Variants in AMPD3 observed in about 807,000 individuals in gnomAD.
AMPD3 encodes AMP deaminase 3.
AMPD3 carries 57 observed loss-of-function variants against 82.3 expected under a neutral mutation model. The ratio of observed to expected loss-of-function variants is 0.69; its 90% confidence interval spans 0.56 to 0.86. The LOEUF is 0.86. Among genes scored for constraint, AMPD3 ranks in the 40% least tolerant of loss-of-function variants. AMPD3 has a pLI of 0.00. For missense variants in AMPD3, 870 were observed against 1,003.8 expected, an observed-to-expected ratio of 0.87 and a Z score of 1.80; for synonymous variants, 381 against 394.7, an observed-to-expected ratio of 0.97 and a Z score of 0.41.
In AMPD3 at chr11:10,456,008, TG is replaced by T. The variant is rs1445092711; in HGVS notation, c.-6+563del. ...GAGGCTGTGGCTTATCTCCTGCAGC[TG>T]GGCAGGACGGCTGAGTTTACTGTTG... On this transcript the variant is annotated intron_variant, in intron 1 of 14. Transcript: ENST00000396553. The surrounding 1 kb of genome is among the most constrained non-coding windows in gnomAD (Gnocchi z 4.3). The T allele has an allele frequency of 2.0e-6, 2 of 985,244 alleles. No homozygotes were observed. Among genetic ancestry groups the T allele is most frequent in the African/African-American group, 3.5e-5 (2 of 57,218 alleles). 61.0% of individuals were successfully genotyped at this position (985,244 alleles called of 1,614,324 possible). A position where few individuals can be genotyped will look rare whatever the true frequency, so the allele number is the denominator to read the frequency against.
chr11:10,452,707 A>C (rs1231615037), upstream of AMPD3, among the ~76,000 whole-genome samples: 1 of 152,242 alleles, frequency 6.6e-6, no homozygotes, highest in Non-Finnish European at 1.5e-5. Context: ...ATCTGATATC[A>C]TAATGATGAT....
rs956196280 is a variant in AMPD3, at chr11:10,476,979, T to C, written c.222-1547T>C. 68 of 985,312 alleles carry C rather than the reference T, an allele frequency of 6.9e-5. 1 individual carries two copies. The highest frequency in any genetic ancestry group is 5.7e-5 in the Non-Finnish European group (47 of 829,946). 61.0% of individuals were successfully genotyped at this position (985,312 alleles called of 1,614,324 possible). On this transcript the variant is annotated intron_variant, in intron 2 of 14. Transcript: ENST00000396553. The stretch of plus-strand genomic sequence containing the variant: ...TCCTGAAAAGGAGCCACCTCTGTCT[T>C]GCAGGTTAAAATAGCCTTGTCCCAA...
intron 7 of AMPD3, chr11:10,494,526 A>T (rs1444349246): frequency 1.0e-6 from 1 of 983,626 alleles, no homozygotes; most frequent in Non-Finnish European, 1.2e-6. Context: ...AACTTTTGTT[A>T]AACAAAACAT....
intron 10 of AMPD3, 102 bp downstream of exon 10, chr11:10,497,040 CT>C: frequency 6.9e-7 from 1 of 1,440,570 alleles, no homozygotes; most frequent in Non-Finnish European, 9.7e-7. Context: ...ACGATGGTAT[CT>C]TAGGTCCTGC....
At chr11:10,470,362 T>G (rs1007583635) in intron 2 of AMPD3, among the ~76,000 whole-genome samples, 1 of 152,192 alleles carries the variant, frequency 6.6e-6, no homozygotes, top group Non-Finnish European at 1.5e-5. Flanking sequence ...AATATCATAC[T>G]GAATGGGCAA....
chr11:10,484,987 A>G lies in AMPD3; in HGVS notation c.757A>G (p.Thr253Ala). The stretch of plus-strand genomic sequence containing the variant: ...CAGCCTACCCTACCCCGACCTGGAG[A>G]CCTACACGGTGGACATGAGCCACAT... ...PHSLPYPDLE[T>A]YTVDMSHILA... Residue 253 changes from threonine to alanine, a missense_variant, in exon 5 of 15, where the codon ACC becomes GCC. Coordinates refer to ENST00000396553, the MANE Select transcript of AMPD3 (RefSeq NM_001025389.2). 6.2e-7 allele frequency: 1 copy of G among 1,613,976 alleles called. No individual in the cohort carries two copies. Among genetic ancestry groups the G allele is most frequent in the Non-Finnish European group, 8.5e-7 (1 of 1,180,000 alleles).
At chr11:10,495,197 C>A in intron 8 of AMPD3, 167 bp downstream of exon 8, 1 of 985,430 alleles carries the variant, frequency 1.0e-6, no homozygotes, top group Non-Finnish European at 1.2e-6. Flanking sequence ...TGGCTGCCTG[C>A]TCCAGGCAGT....
chr11:10,460,009 C>T (rs1025496029), intron 1 of AMPD3, among the ~76,000 whole-genome samples: 1 of 147,700 alleles, frequency 6.8e-6, no homozygotes, highest in Non-Finnish European at 1.5e-5. Flanking sequence ...AAGTTCTTTG[C>T]AGAGTATATA....
chr11:10,468,508 C>A lies in AMPD3; in HGVS notation c.221+6768C>A, dbSNP rs892851471. 2.0e-5 allele frequency among the ~76,000 whole-genome samples: 3 copies of A among 152,280 alleles called. No homozygotes were observed. The East Asian group carries it at 5.8e-4, about 29-fold the overall frequency. ...TATATGCACCCAACACAGGAGCACCCAGATTCATAAAGCAAGTCTTAGAGA... is the reference window on the plus strand; with the variant it reads ...TATATGCACCCAACACAGGAGCACCAAGATTCATAAAGCAAGTCTTAGAGA... On this transcript the variant is annotated intron_variant, in intron 2 of 14. Coordinates refer to ENST00000396553, the MANE Select transcript of AMPD3 (RefSeq NM_001025389.2).
At chr11:10,450,504 G>A (rs1847933043), upstream of AMPD3, 1 of 986,002 alleles carries the variant, frequency 1.0e-6, no homozygotes, top group Non-Finnish European at 1.2e-6. Context: ...TGCGGGGAGG[G>A]GAGGACGTCG....
intron 14 of AMPD3, 26 bp from the exon 15 acceptor site, chr11:10,505,682 T>G: frequency 6.2e-7 from 1 of 1,611,266 alleles, no homozygotes; most frequent in South Asian, 1.1e-5. Context: ...GTATATAGTT[T>G]CATTTGTATT....
rs1461727392 is a variant in AMPD3, at chr11:10,487,353, A to C, written c.928A>C (p.Asn310His). 41 of 1,614,004 alleles carry C rather than the reference A, an allele frequency of 2.5e-5. No homozygotes were observed. Among genetic ancestry groups the C allele is most frequent in the Non-Finnish European group, 3.3e-5 (39 of 1,179,950 alleles). ...GAGTAACCCCCACCGGGACTTCTAT[A>C]ACGTGAGAAAGGTGCGTTAGGGGCG... ...LKSNPHRDFY[N>H]VRKVDTHIHA... Residue 310 changes from asparagine (N) to histidine (H), a missense_variant, in exon 6 of 15, where the codon AAC (asparagine) becomes CAC (histidine). By Grantham distance (68) the Asn-to-His change is moderately conservative. Transcript: ENST00000396553.
chr11:10,456,910 A>G lies in AMPD3; in HGVS notation c.-6+1462A>G, dbSNP rs919174201. Among the ~76,000 whole-genome samples the G allele has an allele frequency of 5.3e-5, 8 of 151,780 alleles. No individual in the cohort carries two copies. The highest frequency in any genetic ancestry group is 1.7e-4 in the African/African-American group (7 of 41,328). On this transcript the variant is annotated intron_variant, in intron 1 of 14. Transcript: ENST00000396553. The surrounding 1 kb of genome is among the most constrained non-coding windows in gnomAD (Gnocchi z 4.3). ...AGCTGCTAAGGCCTGCAGCACCCCA[A>G]GTGGGTTACTTGGTCCATACTAAGA...
chr11:10,459,876 T>C (rs980878997), intron 1 of AMPD3, among the ~76,000 whole-genome samples: 2 of 151,824 alleles, frequency 1.3e-5, no homozygotes, highest in Admixed American at 6.6e-5. Flanking sequence ...AGAGAAAGGC[T>C]GAGAACAGCA....
At chr11:10,496,175 A>C in intron 9 of AMPD3, 9 of 975,734 alleles carry the variant, frequency 9.2e-6, no homozygotes, top group Non-Finnish European at 1.1e-5. Flanking sequence ...TCAGCCTCCC[A>C]AAATGCTGGG....
intron 8 of AMPD3, 63 bp downstream of exon 8, chr11:10,495,093 G>C: frequency 6.2e-7 from 1 of 1,613,284 alleles, no homozygotes; most frequent in Non-Finnish European, 8.5e-7. Flanking sequence ...CCTTCAGAGA[G>C]TGGGGGCCCT....
At chr11:10,477,505 T>C (rs1337709311) in intron 2 of AMPD3, among the ~76,000 whole-genome samples, 1 of 152,184 alleles carries the variant, frequency 6.6e-6, no homozygotes, top group Non-Finnish European at 1.5e-5. Context: ...CTGATGTCTG[T>C]TTCATGAATG....
intron 7 of AMPD3, chr11:10,494,464 A>C: frequency 1.2e-5 from 9 of 745,964 alleles, no homozygotes; most frequent in Non-Finnish European, 1.5e-5. Flanking sequence ...TATGGTTAAA[A>C]ATGGTTGAAA....
At chr11:10,474,518 T>A (rs529937606) in intron 2 of AMPD3, among the ~76,000 whole-genome samples, 1 of 151,562 alleles carries the variant, frequency 6.6e-6, no homozygotes, top group Admixed American at 6.6e-5. Flanking sequence ...TGGAGCAGAG[T>A]AAGGGAGGGG....
Sources: gnomAD v4.1 joint callset for allele counts (sites outside exome capture counted in the v4.1 genomes callset) on GRCh38, gnomAD v4.1.1 for gene constraint, Gnocchi (gnomAD v3.1) non-coding constraint, MANE v1.5 for transcripts, NCBI Gene and HGNC (gene_info 2026-07-23, HGNC 2026-07-21) for gene names.